AFP: variants seen among roughly 807,000 people sequenced by gnomAD.
AFP encodes the protein alpha fetoprotein.
Under a neutral mutation model 78.9 loss-of-function variants are expected in AFP, and 64 were observed. The observed-to-expected ratio is 0.81, with a 90% confidence interval of 0.66 to 1.00. The LOEUF is 1.00. Among genes scored for constraint, AFP ranks in the 50% least tolerant of loss-of-function variants. The pLI, the probability that AFP is intolerant of heterozygous loss-of-function variation, is 0.00. For synonymous variants in AFP, 254 were observed against 243.8 expected (o/e 1.04, Z -0.39); for missense variants, 689 against 703.8 (o/e 0.98, Z 0.24).
At chr4:73,448,687 T>C (rs1381069822) in intron 8 of AFP, among the ~76,000 whole-genome samples, 2 of 152,160 alleles carry the variant, frequency 1.3e-5, no homozygotes, top group Non-Finnish European at 2.9e-5. Context: ...AATTGTTTAA[T>C]AGAAGCAGTT....
intron 12 of AFP, chr4:73,453,355 A>G (rs1365951075): frequency 2.8e-5 from 6 of 213,484 alleles, no homozygotes; most frequent in Non-Finnish European, 5.7e-5. Flanking sequence ...CTAAGTGAGC[A>G]GTGCAGGCAA....
chr4:73,441,193 C>T (rs978296416), intron 4 of AFP, among the ~76,000 whole-genome samples: 2 of 151,854 alleles, frequency 1.3e-5, no homozygotes, highest in African/African-American at 4.8e-5. Flanking sequence ...ACCTAATTGC[C>T]TAGAAATAAA....
chr4:73,442,240 G>A, intron 4 of AFP, 56 bp from the exon 5 acceptor site: 1 of 1,521,512 alleles, frequency 6.6e-7, no homozygotes, highest in East Asian at 2.3e-5. Flanking sequence ...GTTCCAAGCA[G>A]TAGTAGTCCT....
rs371048273 is a variant in AFP at position 73,437,533 on chromosome 4, TATA to T, written c.137+325_137+327del. ...CTCATCAGTACCAACAGGGTGATAT[TATA>T]ATGTTTTCTTTTCTGTATACTATTT... is the stretch of plus-strand genomic sequence containing the variant. On this transcript the variant is annotated intron_variant, in intron 2 of 14. Transcript: ENST00000395792. Among the ~76,000 whole-genome samples the T allele has an allele frequency of 1.2e-4, 18 of 152,194 alleles. No individual in the cohort carries two copies. The East Asian group carries it at 2.7e-3, about 23-fold the overall frequency.
intron 3 of AFP, among the ~76,000 whole-genome samples, chr4:73,440,383 C>T (rs1448383040): frequency 6.6e-6 from 1 of 152,022 alleles, no homozygotes. Flanking sequence ...GATTGCATGG[C>T]TTTTTTCCTT....
In AFP at chr4:73,447,079, G is replaced by T. The variant is rs192914186; in HGVS notation, c.844-383G>T. Among the ~76,000 whole-genome samples, 767 of 152,194 alleles carry T rather than the reference G, an allele frequency of 5.0e-3. 2 individuals are homozygous for T. Among genetic ancestry groups the T allele is most frequent in the Non-Finnish European group, 7.3e-3 (493 of 67,974 alleles). ...ACGGACACTATTAGAGGAGGGATTTGTGTAGCACTTAGGACATTATACTTG... is the reference window on the plus strand; with the variant it reads ...ACGGACACTATTAGAGGAGGGATTTTTGTAGCACTTAGGACATTATACTTG... On this transcript the variant is annotated intron_variant, in intron 7 of 14. Coordinates refer to ENST00000395792, the MANE Select transcript of AFP (RefSeq NM_001134.3).
At chr4:73,441,396 C>T (rs1376046158) in intron 4 of AFP, among the ~76,000 whole-genome samples, 96 of 151,448 alleles carry the variant, frequency 6.3e-4, no homozygotes, top group African/African-American at 2.2e-3. Context: ...GAAACCCCGT[C>T]TCTACTAAAA....
intron 8 of AFP, among the ~76,000 whole-genome samples, chr4:73,448,762 T>A (rs1203273663): frequency 6.6e-6 from 1 of 152,174 alleles, no homozygotes; most frequent in African/African-American, 2.4e-5. Context: ...CCCCAGATAT[T>A]TGCATGGCTT....
chr4:73,450,160 G>A lies in AFP; in HGVS notation c.1289+27G>A, dbSNP rs371654414. The A allele has an allele frequency of 5.9e-5, 91 of 1,529,782 alleles. No individual in the cohort carries two copies. The Admixed American group carries it at 1.5e-3, about 25-fold the overall frequency. 94.8% of individuals were successfully genotyped at this position (1,529,782 alleles called of 1,614,324 possible). On this transcript the variant is annotated intron_variant, in intron 10 of 14. Coordinates refer to ENST00000395792, the MANE Select transcript of AFP (RefSeq NM_001134.3). ...TATGTTTTTGTAAACAGTATTTTTAGTGAATTAAAATTATTAAAGAGAATG... is the reference window on the plus strand; with the variant it reads ...TATGTTTTTGTAAACAGTATTTTTAATGAATTAAAATTATTAAAGAGAATG...
Position 73,455,677 on chromosome 4 carries a change from CTTTAAT to C in AFP, c.*63_*68del, listed in dbSNP as rs779401593. On this transcript the variant is annotated 3_prime_UTR_variant, in exon 15 of 15. Transcript: ENST00000395792. ...TCTTTCATTCGGTGTGAACTTTTCT[CTTTAAT>C]TTTAACTGATTTAACACTTTTTGTG... The C allele has an allele frequency of 3.9e-5, 27 of 695,972 alleles. No individual in the cohort carries two copies. Among genetic ancestry groups the C allele is most frequent in the Admixed American group, 3.3e-4 (16 of 48,478 alleles). 43.1% of individuals were successfully genotyped at this position (695,972 alleles called of 1,614,324 possible).
chr4:73,436,803 T>C (rs1326975292), intron 1 of AFP, among the ~76,000 whole-genome samples: 1 of 151,834 alleles, frequency 6.6e-6, no homozygotes, highest in African/African-American at 2.4e-5. Flanking sequence ...GTGACTGGGA[T>C]ATGAATGGCA....
In AFP at chr4:73,438,257, T is replaced by C. The variant is rs780194180; in HGVS notation, c.221T>C (p.Ile74Thr). 29 of 1,613,406 alleles carry C rather than the reference T, an allele frequency of 1.8e-5. No homozygotes were observed. The highest frequency in any genetic ancestry group is 1.7e-4 in the Admixed American group (10 of 59,996). ...SKMVKDALTA[I>T]EKPTGDEQSS... is the part of the protein sequence containing the mutation. ...ATGGTGAAAGATGCATTGACTGCAA[T>C]TGAGAAACCCACTGGAGATGAACAG... The change falls in exon 3 of 15, where the codon ATT becomes ACT. Residue 74 changes from isoleucine (I) to threonine (T), a missense_variant. Transcript: ENST00000395792.
rs781136890 is a variant in AFP, at chr4:73,452,566, A to G, written c.1594A>G (p.Ile532Val). Reference sequence around the variant, plus strand: ...TCCTGCATTCTCTGATGACAAGTTCATTTTCCATAAGGATCTGTGCCAAGC... The same window carrying G: ...TCCTGCATTCTCTGATGACAAGTTCGTTTTCCATAAGGATCTGTGCCAAGC... The part of the protein sequence containing the change: ...VPPAFSDDKF[I>V]FHKDLCQAQG... Residue 532 changes from isoleucine (I) to valine (V), a missense_variant, in exon 12 of 15, where the codon ATT (isoleucine) becomes GTT (valine). Ile to Val is a conservative substitution (Grantham distance 29). Coordinates refer to ENST00000395792, the MANE Select transcript of AFP (RefSeq NM_001134.3). 3.7e-6 allele frequency: 6 copies of G among 1,613,922 alleles called. No homozygotes were observed. In the African/African-American group the frequency reaches 6.7e-5, roughly 18 times the overall value.
At chr4:73,454,950 C>A (rs2149337574) in intron 13 of AFP, among the ~76,000 whole-genome samples, 1 of 152,208 alleles carries the variant, frequency 6.6e-6, no homozygotes, top group South Asian at 2.1e-4. Context: ...GCTTTATCTG[C>A]AAACCTTTTA....
rs1720095982 is a variant in AFP, at chr4:73,454,207, T to C, written c.1785+310T>C. On this transcript the variant is annotated intron_variant, in intron 13 of 14. Coordinates refer to ENST00000395792, the MANE Select transcript of AFP (RefSeq NM_001134.3). ...ATTTAGATAGTTTCTGGCCTAAAAT[T>C]GATCAATTCAGCTAAATGGATTAAA... 2.0e-5 allele frequency among the ~76,000 whole-genome samples: 3 copies of C among 152,034 alleles called. No homozygotes were observed. In the South Asian group the frequency reaches 6.2e-4, roughly 31 times the overall value.
intron 11 of AFP, among the ~76,000 whole-genome samples, chr4:73,451,450 T>C (rs1007929684): frequency 3.3e-5 from 5 of 152,212 alleles, no homozygotes; most frequent in Admixed American, 6.5e-5. Flanking sequence ...GGGGAGTTAT[T>C]TGCTGTTAGT....
intron 3 of AFP, among the ~76,000 whole-genome samples, chr4:73,439,081 A>G (rs1719591327): frequency 6.6e-6 from 1 of 152,196 alleles, no homozygotes; most frequent in Non-Finnish European, 1.5e-5. Context: ...TTAGCAAACA[A>G]CAACAAAACA....
intron 12 of AFP, 23 bp from the exon 13 acceptor site, chr4:73,453,742 T>C (rs775754650): frequency 1.3e-5 from 21 of 1,611,722 alleles, no homozygotes; most frequent in Non-Finnish European, 1.7e-5. Context: ...TTCTCTTGTA[T>C]TTTGTTTTGT....
At chr4:73,443,616 T>C (rs1005322781) in intron 6 of AFP, among the ~76,000 whole-genome samples, 172 bp downstream of exon 6, 6 of 152,188 alleles carry the variant, frequency 3.9e-5, no homozygotes, top group African/African-American at 1.4e-4. Context: ...AGAAGGAAGC[T>C]AACGGATAAG....
Sources: allele counts gnomAD v4.1 joint callset (sites outside exome capture counted in the v4.1 genomes callset), GRCh38; gene constraint gnomAD v4.1.1; transcripts MANE v1.5; gene names NCBI Gene and HGNC (gene_info 2026-07-23, HGNC 2026-07-21).